The following ANXA8 variants were observed in gnomAD, a reference collection of about 807,000 sequenced individuals.
The protein encoded by ANXA8 is VAC-beta.
In ANXA8, 9 loss-of-function variants were observed where a neutral mutation model predicts 26.8. That is an observed-to-expected ratio of 0.34 (90% CI 0.20 to 0.59). ANXA8 has a LOEUF of 0.59. Among genes scored for constraint, ANXA8 ranks in the 20% least tolerant of loss-of-function variants. The probability of loss-of-function intolerance (pLI) is 0.84; values close to 1 mark genes in which losing one functional copy is unlikely to be tolerated. For synonymous variants in ANXA8, 39 were observed against 94.8 expected (o/e 0.41, Z 3.42); for missense variants, 83 against 238.5 (o/e 0.35, Z 4.29).
chr10:47,694,833 G>T, the ANXA8 span, among the ~76,000 whole-genome samples: 1 of 151,190 alleles, frequency 6.6e-6, no homozygotes, highest in Non-Finnish European at 1.5e-5. Flanking sequence ...CAAAAATAAG[G>T]ATTACCTAAG....
chr10:47,548,946 C>T, the ANXA8 span, among the ~76,000 whole-genome samples: 1 of 152,294 alleles, frequency 6.6e-6, no homozygotes, highest in Non-Finnish European at 1.5e-5. Flanking sequence ...GCAGTTAGCA[C>T]AGTGCCAGGA....
chr10:47,488,181 AT>A (rs1172865596), upstream of ANXA8, among the ~76,000 whole-genome samples: 121 of 130,352 alleles, frequency 9.3e-4, 1 homozygote, highest in African/African-American at 3.5e-3. Context: ...TGAGAAATAA[AT>A]TTCTGTTGTT....
the ANXA8 span, among the ~76,000 whole-genome samples, chr10:47,625,882 A>G: frequency 6.6e-6 from 1 of 150,806 alleles, no homozygotes; most frequent in Non-Finnish European, 1.5e-5. Flanking sequence ...CAATTTCCCC[A>G]TGCCCTAGCT....
chr10:47,707,587 A>G, the ANXA8 span, among the ~76,000 whole-genome samples: 1 of 139,276 alleles, frequency 7.2e-6, no homozygotes. Flanking sequence ...AGGTTTTGTC[A>G]TGTTGCCCAA....
At chr10:47,637,856 TG>T in the ANXA8 span, among the ~76,000 whole-genome samples, 1 of 116,314 alleles carries the variant, frequency 8.6e-6, no homozygotes, top group Non-Finnish European at 1.7e-5. Flanking sequence ...AATTATCAGT[TG>T]ATTTGGTCTA....
chr10:47,559,837 G>T, the ANXA8 span, among the ~76,000 whole-genome samples: 3 of 151,850 alleles, frequency 2.0e-5, no homozygotes, highest in Non-Finnish European at 4.4e-5. Flanking sequence ...CCACTAAGCT[G>T]GTACTTTCTT....
At chr10:47,657,474 C>T in the ANXA8 span, among the ~76,000 whole-genome samples, 1 of 151,970 alleles carries the variant, frequency 6.6e-6, no homozygotes, top group South Asian at 2.1e-4. Flanking sequence ...TGAATGTCAG[C>T]TCCACCTCTT....
the ANXA8 span, among the ~76,000 whole-genome samples, chr10:47,659,032 C>T: frequency 1.1e-4 from 17 of 151,098 alleles, no homozygotes; most frequent in Non-Finnish European, 1.6e-4. Context: ...CCACCACGCC[C>T]GGCTGATTTT....
At chr10:47,694,852 C>T in the ANXA8 span, among the ~76,000 whole-genome samples, 1 of 151,064 alleles carries the variant, frequency 6.6e-6, no homozygotes, top group Non-Finnish European at 1.5e-5. Context: ...AGGGAGACTA[C>T]TGACTAGAAT....
At chr10:47,624,242 C>CAAAA in the ANXA8 span, among the ~76,000 whole-genome samples, 22 of 28,926 alleles carry the variant, frequency 7.6e-4, no homozygotes, top group African/African-American at 1.4e-3. Context: ...GACTCCATCT[C>CAAAA]AAAAAAAAAA....
At chr10:47,493,429 CCCTGGA>C in the ANXA8 span, among the ~76,000 whole-genome samples, 9 of 149,534 alleles carry the variant, frequency 6.0e-5, no homozygotes, top group African/African-American at 1.5e-4. Context: ...CAGGGATTCT[CCCTGGA>C]CCTGTCAAAG....
chr10:47,609,223 C>T, the ANXA8 span, among the ~76,000 whole-genome samples: 1 of 147,172 alleles, frequency 6.8e-6, no homozygotes, highest in Non-Finnish European at 1.5e-5. Flanking sequence ...GCAGCCTTGT[C>T]TTGTGGAGCT....
chr10:47,565,842 G>C, the ANXA8 span: 9 of 1,278,198 alleles, frequency 7.0e-6, no homozygotes, highest in Non-Finnish European at 7.1e-6. Context: ...GGCTGAGCCC[G>C]GGACGCGCGG....
chr10:47,771,550 C>T, the ANXA8 span, among the ~76,000 whole-genome samples: 2 of 151,690 alleles, frequency 1.3e-5, no homozygotes, highest in South Asian at 2.1e-4. Flanking sequence ...TTATTCTTTA[C>T]AACCACCATC....
At chr10:47,648,278 A>G in the ANXA8 span, among the ~76,000 whole-genome samples, 5 of 151,690 alleles carry the variant, frequency 3.3e-5, no homozygotes, top group South Asian at 1.0e-3. Context: ...AACTTGGAAA[A>G]CGTAGCTTGC....
At chr10:47,979,348 C>T in the ANXA8 span, among the ~76,000 whole-genome samples, 1 of 151,842 alleles carries the variant, frequency 6.6e-6, no homozygotes, top group African/African-American at 2.4e-5. Context: ...CACTCCACCA[C>T]CACCAACAGA....
chr10:47,534,951 GGCCAATT>G, the ANXA8 span, among the ~76,000 whole-genome samples: 1 of 92,058 alleles, frequency 1.1e-5, no homozygotes, highest in Non-Finnish European at 2.0e-5. Flanking sequence ...CACTGTGCCC[GGCCAATT>G]ATCCCTTTTT....
the ANXA8 span, among the ~76,000 whole-genome samples, chr10:47,552,548 T>C: frequency 6.6e-6 from 1 of 152,102 alleles, no homozygotes; most frequent in African/African-American, 2.4e-5. Context: ...TCTACATACA[T>C]TTGAAAAATA....
the ANXA8 span, among the ~76,000 whole-genome samples, chr10:47,658,391 A>C: frequency 6.6e-6 from 1 of 150,776 alleles, no homozygotes; most frequent in African/African-American, 2.5e-5. Flanking sequence ...GTCTCAAAAA[A>C]AAAAAAAATC....
Sources: allele counts gnomAD v4.1 joint callset (sites outside exome capture counted in the v4.1 genomes callset), GRCh38; gene constraint gnomAD v4.1.1; transcripts MANE v1.5; gene names NCBI Gene and HGNC (gene_info 2026-07-23, HGNC 2026-07-21).